Variants in ANKRD30A observed in about 807,000 individuals in gnomAD.
ANKRD30A encodes ankyrin repeat domain-containing protein 30A.
A neutral mutation model predicts 166.3 loss-of-function variants in ANKRD30A; 170 were observed. The ratio of observed to expected loss-of-function variants is 1.02; its 90% CI spans 0.90 to 1.16. The LOEUF (loss-of-function observed/expected upper bound fraction) is 1.16. ANKRD30A is among the 50% of genes most tolerant of loss of function. The pLI is 0.00. For synonymous variants in ANKRD30A, 564 were observed against 508.9 expected, an observed-to-expected ratio of 1.11 and a Z score of -1.46; for missense variants, 1,630 against 1,518.0, an observed-to-expected ratio of 1.07 and a Z score of -1.23.
At chr10:37,214,277 A>G (rs1344582052) in intron 31 of ANKRD30A, among the ~76,000 whole-genome samples, 1 of 151,474 alleles carries the variant, frequency 6.6e-6, no homozygotes, top group African/African-American at 2.4e-5. Context: ...TTCATCTTTA[A>G]TCAATTTTTG....
chr10:37,125,716 G>A lies in ANKRD30A; in HGVS notation c.-72G>A, dbSNP rs1835954011. On this transcript the variant is annotated 5_prime_UTR_variant, in exon 1 of 36. Transcript: ENST00000361713. Reference sequence around the variant, plus strand: ...ACTGAAGAAGGGCGAGGGCGATTGGGGAGGGGTGGGGGGTGGTGGCTGGGA... The same window carrying A: ...ACTGAAGAAGGGCGAGGGCGATTGGAGAGGGGTGGGGGGTGGTGGCTGGGA... 1 of 557,330 alleles carries A rather than the reference G, an allele frequency of 1.8e-6. No individual in the cohort carries two copies. The highest frequency in any genetic ancestry group is 3.2e-6 in the Non-Finnish European group (1 of 308,664). 34.5% of individuals were successfully genotyped at this position (557,330 alleles called of 1,614,324 possible).
intron 12 of ANKRD30A, among the ~76,000 whole-genome samples, chr10:37,153,043 C>T (rs34852050): frequency 6.6e-6 from 1 of 151,836 alleles, no homozygotes; most frequent in African/African-American, 2.4e-5. Flanking sequence ...ATTTTAAGCC[C>T]CTGTTTACCG....
intron 18 of ANKRD30A, among the ~76,000 whole-genome samples, chr10:37,165,879 G>C (rs1839287157): frequency 6.6e-6 from 1 of 152,048 alleles, no homozygotes; most frequent in Non-Finnish European, 1.5e-5. Context: ...ACAAGCAGCT[G>C]CTGCCTGATG....
intron 1 of ANKRD30A, 45 bp from the exon 2 acceptor site, chr10:37,129,848 G>T (rs766880945): frequency 8.3e-7 from 1 of 1,208,204 alleles, no homozygotes; most frequent in Non-Finnish European, 1.1e-6. Flanking sequence ...GTATGTTTTG[G>T]GACAGTGGAC....
At chr10:37,201,444 AG>A in intron 31 of ANKRD30A, 119 bp downstream of exon 31, 1 of 699,734 alleles carries the variant, frequency 1.4e-6, no homozygotes, top group Non-Finnish European at 2.2e-6. Context: ...ATGGAAAAAA[AG>A]AGAAGTGCAA....
chr10:37,167,082 C>T (rs746388326), intron 19 of ANKRD30A, among the ~76,000 whole-genome samples: 21 of 151,862 alleles, frequency 1.4e-4, no homozygotes, highest in Non-Finnish European at 2.4e-4. Flanking sequence ...AGATCGGATG[C>T]AGGGGACAAG....
chr10:37,135,591 G>A (rs150600897), intron 5 of ANKRD30A, among the ~76,000 whole-genome samples: 1,626 of 152,242 alleles, frequency 0.011, 16 homozygotes, highest in Non-Finnish European at 0.016. Context: ...ACAAAAAACA[G>A]TGGTGGGTTT....
At chr10:37,159,650 T>A (rs1838686121) in intron 15 of ANKRD30A, among the ~76,000 whole-genome samples, 1 of 152,164 alleles carries the variant, frequency 6.6e-6, no homozygotes, top group African/African-American at 2.4e-5. Flanking sequence ...AGAATTTGTT[T>A]TCATGTCTTA....
intron 34 of ANKRD30A, among the ~76,000 whole-genome samples, chr10:37,222,329 C>T (rs928027628): frequency 4.0e-5 from 6 of 151,324 alleles, no homozygotes; most frequent in Non-Finnish European, 7.4e-5. Flanking sequence ...TTTGCCTGTT[C>T]TGAACATTTC....
chr10:37,192,493 T>C (rs1191586648), intron 25 of ANKRD30A, among the ~76,000 whole-genome samples: 3 of 152,086 alleles, frequency 2.0e-5, no homozygotes, highest in Non-Finnish European at 4.4e-5. Flanking sequence ...ACTTTTATTC[T>C]ATAAGTAGAA....
In ANKRD30A at chr10:37,219,331, C is replaced by G. The variant is rs368830038; in HGVS notation, c.3619C>G (p.Gln1207Glu). 2 of 1,610,368 alleles carry G rather than the reference C, an allele frequency of 1.2e-6. No individual in the cohort carries two copies. The highest frequency in any genetic ancestry group is 1.3e-5 in the African/African-American group (1 of 74,778). The change falls in exon 34 of 36, where the codon CAA (glutamine) becomes GAA (glutamate). Residue 1207 changes from glutamine to glutamate, a missense_variant. Physicochemically the swap from Gln to Glu is conservative, Grantham distance 29. Around this residue, in one of 4 missense-constraint regions of ANKRD30A, gnomAD observed 712 missense variants for 629.3 expected, o/e 1.13. Transcript: ENST00000361713. Reference sequence around the variant, plus strand: ...CCATCCTAGACTGGCTTCTGCTGTACAAGACCATGATCAAATTGTGACATC... The same window carrying G: ...CCATCCTAGACTGGCTTCTGCTGTAGAAGACCATGATCAAATTGTGACATC... ...SHHPRLASAV[Q>E]DHDQIVTSRK... is the part of the protein sequence containing the mutation.
At chr10:37,128,359 C>T (rs1836174249) in intron 1 of ANKRD30A, among the ~76,000 whole-genome samples, 1 of 151,882 alleles carries the variant, frequency 6.6e-6, no homozygotes, top group African/African-American at 2.4e-5. Flanking sequence ...TAGTTTCTCA[C>T]TTTCTATGTT....
At chr10:37,161,741 A>T (rs1011349048) in intron 15 of ANKRD30A, among the ~76,000 whole-genome samples, 1 of 152,170 alleles carries the variant, frequency 6.6e-6, no homozygotes, top group African/African-American at 2.4e-5. Flanking sequence ...GCTGTTCGCT[A>T]TACAAATGAC....
the ANKRD30A span, among the ~76,000 whole-genome samples, chr10:37,254,400 T>G: frequency 6.6e-6 from 1 of 152,202 alleles, no homozygotes; most frequent in Non-Finnish European, 1.5e-5. Context: ...TTTTTTATTA[T>G]AGGCACACTA....
rs1842800545 is a variant in ANKRD30A at position 37,219,805 on chromosome 10, C to G, written c.4093C>G (p.Leu1365Val). Reference protein sequence around the residue: ...HFLERKMQHHLLKEKNEEIFN... With the variant: ...HFLERKMQHHVLKEKNEEIFN... ...TCTTGAGAGGAAAATGCAACATCAT[C>G]TCCTAAAAGAGAAAAATGAGGAGAT... Residue 1365 changes from leucine to valine, a missense_variant, in exon 34 of 36, where the codon CTC (leucine) becomes GTC (valine). Around this residue, in one of 4 missense-constraint regions of ANKRD30A, gnomAD observed 712 missense variants for 629.3 expected, o/e 1.13. Transcript: ENST00000361713. 1 of 1,603,968 alleles carries G rather than the reference C, an allele frequency of 6.2e-7. No individual in the cohort carries two copies. Among genetic ancestry groups the G allele is most frequent in the African/African-American group, 1.3e-5 (1 of 74,144 alleles).
intron 13 of ANKRD30A, among the ~76,000 whole-genome samples, chr10:37,156,078 C>CAAAA (rs35340454): frequency 7.6e-6 from 1 of 132,292 alleles, no homozygotes. Flanking sequence ...GATACGCTAT[C>CAAAA]AAAAAAAAAA....
the ANKRD30A span, among the ~76,000 whole-genome samples, chr10:37,259,310 A>T: frequency 6.6e-6 from 1 of 152,214 alleles, no homozygotes; most frequent in Non-Finnish European, 1.5e-5. Flanking sequence ...ACTTAAAATG[A>T]CAATGGGATA....
At chr10:37,133,843 T>G in intron 4 of ANKRD30A, 73 bp from the exon 5 acceptor site, 1 of 1,532,620 alleles carries the variant, frequency 6.5e-7, no homozygotes, top group Non-Finnish European at 8.9e-7. Flanking sequence ...TGTAAATGGT[T>G]AATTCTACAA....
chr10:37,200,618 A>G (rs140833257), intron 30 of ANKRD30A, among the ~76,000 whole-genome samples: 69 of 152,234 alleles, frequency 4.5e-4, no homozygotes, highest in African/African-American at 1.6e-3. Context: ...TTATTTAGAC[A>G]TGACATAATT....
Sources: allele counts gnomAD v4.1 joint callset (sites outside exome capture counted in the v4.1 genomes callset), GRCh38; gene constraint gnomAD v4.1.1; regional missense constraint gnomAD v4.1.1; transcripts MANE v1.5; gene names NCBI Gene and HGNC (gene_info 2026-07-23, HGNC 2026-07-21).